The following EMILIN2 variants were observed in gnomAD, a reference collection of about 807,000 sequenced individuals.
EMILIN2 encodes elastin microfibril interfacer 2.
A neutral mutation model predicts 87.1 loss-of-function variants in EMILIN2; 71 were observed. The observed-to-expected ratio is 0.82, with a 90% CI of 0.67 to 0.99. EMILIN2 has a LOEUF of 0.99. Among genes scored for constraint, EMILIN2 ranks in the 50% least tolerant of loss-of-function variants. The probability of loss-of-function intolerance (pLI) is 0.00; values close to 1 mark genes in which losing one functional copy is unlikely to be tolerated. For synonymous variants in EMILIN2, 581 were observed against 563.4 expected (o/e 1.03, Z -0.44); for missense variants, 1,407 against 1,371.8 (o/e 1.03, Z -0.40).
At chr18:2,895,473 G>C (rs1159575406) in intron 4 of EMILIN2, among the ~76,000 whole-genome samples, 1 of 152,220 alleles carries the variant, frequency 6.6e-6, no homozygotes, top group Non-Finnish European at 1.5e-5. Context: ...AGATGTATTA[G>C]TTTCCATTAT....
In EMILIN2 at chr18:2,914,136, T is replaced by C. The variant is rs1274231348; in HGVS notation, c.*732T>C. 1 of 152,620 alleles carries C rather than the reference T, an allele frequency of 6.6e-6. No individual in the cohort carries two copies. Among genetic ancestry groups the C allele is most frequent in the Non-Finnish European group, 1.5e-5 (1 of 68,024 alleles). The allele number at this position is 152,620 out of a possible 1,614,324, so 9.5% of individuals were successfully genotyped here. ...CGGGAGTTGTTGCTAAAAAGCAAAC[T>C]GAAGAAATGTTTTGTTTCAAAAAGG... On this transcript the variant is annotated 3_prime_UTR_variant, in exon 8 of 8. Coordinates refer to ENST00000254528, the MANE Select transcript of EMILIN2 (RefSeq NM_032048.3).
intron 2 of EMILIN2, among the ~76,000 whole-genome samples, chr18:2,860,424 TC>T (rs2076654882): frequency 6.6e-6 from 1 of 152,130 alleles, no homozygotes; most frequent in Admixed American, 6.6e-5. Context: ...TGTGTGATGT[TC>T]CCCTTCCTGT....
chr18:2,891,791 T>C lies in EMILIN2; in HGVS notation c.1664T>C (p.Leu555Pro), dbSNP rs772816260. The C allele has an allele frequency of 5.7e-5, 92 of 1,614,068 alleles. No homozygotes were observed. The highest frequency in any genetic ancestry group is 1.6e-4 in the Middle Eastern group (1 of 6,084). The change falls in exon 4 of 8, where the codon CTG becomes CCG. Residue 555 changes from leucine (L) to proline (P), a missense_variant. Leu to Pro is a moderately conservative substitution (Grantham distance 98, BLOSUM62 -3). Transcript: ENST00000254528. The surrounding 1 kb of genome is among the most constrained non-coding windows in gnomAD (Gnocchi z 4.6). ...CAAGTTGTTGAAGACATTTGCCTGC[T>C]GAACATCCAGGGAAAGCCTCATGGG... is the stretch of plus-strand genomic sequence containing the variant. Reference protein sequence around the residue: ...KVQVVEDICLLNIQGKPHGME... With the variant: ...KVQVVEDICLPNIQGKPHGME...
At chr18:2,884,851 C>G in intron 2 of EMILIN2, 113 bp from the exon 3 acceptor site, 5 of 1,181,216 alleles carry the variant, frequency 4.2e-6, no homozygotes, top group Non-Finnish European at 5.8e-6. Context: ...CTGGGCCAGC[C>G]TGGAGAGCAG....
chr18:2,905,583 ACT>A (rs1204646697), intron 4 of EMILIN2, among the ~76,000 whole-genome samples: 17 of 151,574 alleles, frequency 1.1e-4, no homozygotes, highest in African/African-American at 3.9e-4. Context: ...GATCTTATTA[ACT>A]CTGTCTAACT....
At chr18:2,858,699 C>T (rs1215806576) in intron 2 of EMILIN2, among the ~76,000 whole-genome samples, 3 of 149,678 alleles carry the variant, frequency 2.0e-5, no homozygotes, top group African/African-American at 7.4e-5. Context: ...GCAGTGGCGC[C>T]ATCTCGGCTC....
At chr18:2,873,624 G>A (rs1001867427) in intron 2 of EMILIN2, among the ~76,000 whole-genome samples, 6 of 148,304 alleles carry the variant, frequency 4.0e-5, no homozygotes, top group South Asian at 2.2e-4. Flanking sequence ...GGAGAATGGC[G>A]TGAACCCGGG....
intron 2 of EMILIN2, among the ~76,000 whole-genome samples, chr18:2,878,260 C>T (rs1288221145): frequency 6.6e-6 from 1 of 152,108 alleles, no homozygotes; most frequent in Non-Finnish European, 1.5e-5. Context: ...GAGGCGGAGG[C>T]CGGCAGACCA....
chr18:2,859,452 G>A (rs1293844465), intron 2 of EMILIN2, among the ~76,000 whole-genome samples: 2 of 152,166 alleles, frequency 1.3e-5, no homozygotes, highest in Admixed American at 1.3e-4. Context: ...TGAGTTTGCT[G>A]TAGATTCTGG....
chr18:2,897,864 T>TAA lies in EMILIN2; in HGVS notation c.2359+5392_2359+5393dup, dbSNP rs35471855. On this transcript the variant is annotated intron_variant, in intron 4 of 7. Transcript: ENST00000254528. The stretch of plus-strand genomic sequence containing the variant: ...GCAGTACAGCATAATCCTGTCTCTT[T>TAA]AAAAAAAAAAAAAAAGCCTAGAGAT... Among the ~76,000 whole-genome samples, 608 of 139,176 alleles carry TAA rather than the reference T, an allele frequency of 4.4e-3. 6 individuals are homozygous for TAA. Among genetic ancestry groups the TAA allele is most frequent in the African/African-American group, 0.014 (514 of 37,552 alleles). The allele number at this position is 139,176 out of a possible 152,430, so 91.3% of individuals were successfully genotyped here.
chr18:2,851,071 T>C (rs1218601946), intron 2 of EMILIN2, among the ~76,000 whole-genome samples: 1 of 138,910 alleles, frequency 7.2e-6, no homozygotes, highest in Non-Finnish European at 1.5e-5. Flanking sequence ...AATGATATCA[T>C]GGGAAAAAGG....
chr18:2,903,333 G>A (rs28497228), intron 4 of EMILIN2, among the ~76,000 whole-genome samples: 329 of 152,184 alleles, frequency 2.2e-3, no homozygotes, highest in African/African-American at 7.4e-3. Flanking sequence ...GAAACAGGCC[G>A]TCAGTGTCTT....
chr18:2,853,140 T>A (rs1409141625), intron 2 of EMILIN2, among the ~76,000 whole-genome samples: 2 of 152,208 alleles, frequency 1.3e-5, no homozygotes, highest in Non-Finnish European at 2.9e-5. Context: ...TCAGTCCTAG[T>A]TCCCAAGGTG....
intron 2 of EMILIN2, among the ~76,000 whole-genome samples, chr18:2,864,396 G>A (rs1292501598): frequency 6.6e-6 from 1 of 152,154 alleles, no homozygotes; most frequent in Admixed American, 6.5e-5. Flanking sequence ...TCCTGCAGGA[G>A]CTCTTTTAGG....
At chr18:2,883,357 C>T (rs2076786971) in intron 2 of EMILIN2, among the ~76,000 whole-genome samples, 2 of 152,142 alleles carry the variant, frequency 1.3e-5, no homozygotes, top group Non-Finnish European at 2.9e-5. Flanking sequence ...TGTCCCGCCT[C>T]CCCCCATGGG....
In EMILIN2 at chr18:2,847,444, G is replaced by C; in HGVS notation, c.134+122G>C. 2 of 1,126,750 alleles carry C rather than the reference G, an allele frequency of 1.8e-6. No homozygotes were observed. Among genetic ancestry groups the C allele is most frequent in the Non-Finnish European group, 2.3e-6 (2 of 888,822 alleles). 69.8% of individuals were successfully genotyped at this position (1,126,750 alleles called of 1,614,324 possible). ...CCGGGGGCCTCCCTTGGACTTCCCCGGGCGGCTCCCTCTGCGGGGGACCGC... is the reference window on the plus strand; with the variant it reads ...CCGGGGGCCTCCCTTGGACTTCCCCCGGCGGCTCCCTCTGCGGGGGACCGC... On this transcript the variant is annotated intron_variant, in intron 1 of 7. Coordinates refer to ENST00000254528, the MANE Select transcript of EMILIN2 (RefSeq NM_032048.3). The surrounding 1 kb of genome is among the most constrained non-coding windows in gnomAD (Gnocchi z 4.5).
At position 2,913,394 on chromosome 18, in the gene EMILIN2, C is replaced by T. The variant is rs1346197827; in HGVS notation, c.3152C>T (p.Ser1051Phe). 1 of 1,597,418 alleles carries T rather than the reference C, an allele frequency of 6.3e-7. No individual in the cohort carries two copies. The highest frequency in any genetic ancestry group is 1.7e-5 in the Admixed American group (1 of 57,808). Residue 1051 changes from serine (S) to phenylalanine (F), a missense_variant, in exon 8 of 8, where the codon TCC (serine) becomes TTC (phenylalanine). Transcript: ENST00000254528. ...GGGGTTTTCTTATATCCTTTCCTTT[C>T]CCACCTCTAAGGTGGCTGGGGAGAT... is the stretch of plus-strand genomic sequence containing the variant. The part of the protein sequence containing the change: ...FSGVFLYPFL[S>F]HL
upstream of EMILIN2, chr18:2,846,982 G>A: frequency 9.9e-7 from 1 of 1,008,840 alleles, no homozygotes; most frequent in Non-Finnish European, 1.2e-6. This position sits in a 1 kb window ranked among gnomAD's most constrained non-coding sequence, Gnocchi z 5.3. Flanking sequence ...GGACCGGGGA[G>A]AAGCGCAGGG....
chr18:2,890,253 C>T lies in EMILIN2; in HGVS notation c.434-308C>T, dbSNP rs1445234999. Among the ~76,000 whole-genome samples, 1 of 152,118 alleles carries T rather than the reference C, an allele frequency of 6.6e-6. No homozygotes were observed. Among genetic ancestry groups the T allele is most frequent in the Non-Finnish European group, 1.5e-5 (1 of 68,018 alleles). ...AGACCATTGATTATCTAATAGGTGT[C>T]ATGTACATATTATTTTAACAGCTCT... On this transcript the variant is annotated intron_variant, in intron 3 of 7. Coordinates refer to ENST00000254528, the MANE Select transcript of EMILIN2 (RefSeq NM_032048.3). The surrounding 1 kb of genome is among the most constrained non-coding windows in gnomAD (Gnocchi z 4.7).
Sources: allele counts gnomAD v4.1 joint callset (sites outside exome capture counted in the v4.1 genomes callset), GRCh38; gene constraint gnomAD v4.1.1; non-coding constraint Gnocchi (gnomAD v3.1); transcripts MANE v1.5; gene names NCBI Gene and HGNC (gene_info 2026-07-23, HGNC 2026-07-21).